The following ITGAM variants were observed in gnomAD, a reference collection of about 807,000 sequenced individuals.
ITGAM encodes the protein integrin subunit alpha M, also known as integrin alpha-M.
Under a neutral mutation model 137.5 loss-of-function variants are expected in ITGAM, and 79 were observed. The ratio of observed to expected loss-of-function variants is 0.57; its 90% CI spans 0.48 to 0.69. The LOEUF (loss-of-function observed/expected upper bound fraction) is 0.69, where lower values mean the gene tolerates loss of function less well. Ranked by LOEUF, ITGAM falls within the 30% of genes least tolerant of loss-of-function variation. ITGAM has a pLI of 0.00. For synonymous variants in ITGAM, 583 were observed against 592.3 expected, an observed-to-expected ratio of 0.98 and a Z score of 0.23; for missense variants, 1,343 against 1,483.5, an observed-to-expected ratio of 0.91 and a Z score of 1.56.
intron 12 of ITGAM, among the ~76,000 whole-genome samples, chr16:31,283,680 C>G (rs908669107): frequency 6.6e-6 from 1 of 152,132 alleles, no homozygotes; most frequent in Non-Finnish European, 1.5e-5. Flanking sequence ...TCCTTTAGCT[C>G]GGAGAAGTTT....
chr16:31,310,692 A>G (rs1211433156), intron 14 of ITGAM, among the ~76,000 whole-genome samples: 1 of 151,588 alleles, frequency 6.6e-6, no homozygotes, highest in African/African-American at 2.4e-5. Flanking sequence ...TCCTCTCTCA[A>G]CTCGTCAAAG....
At chr16:31,307,626 G>T (rs1467075749) in intron 14 of ITGAM, among the ~76,000 whole-genome samples, 1 of 152,046 alleles carries the variant, frequency 6.6e-6, no homozygotes, top group Non-Finnish European at 1.5e-5. Context: ...TTTCCTAATC[G>T]AATGCCCTTT....
chr16:31,266,013 T>C lies in ITGAM; in HGVS notation c.310-17T>C, dbSNP rs1307293542. ...AGGAAGCAGGGGCAGCCCCTTCCAC[T>C]GGCTCCTGTCCCCTAGGCCTGTGGT... On this transcript the variant is annotated splice_polypyrimidine_tract_variant and intron_variant, in intron 4 of 29. Transcript: ENST00000544665. 6.2e-7 allele frequency: 1 copy of C among 1,607,778 alleles called. No individual in the cohort carries two copies. The highest frequency in any genetic ancestry group is 2.2e-5 in the East Asian group (1 of 44,850).
chr16:31,303,446 T>G (rs2144407585), intron 14 of ITGAM, among the ~76,000 whole-genome samples: 1 of 152,324 alleles, frequency 6.6e-6, no homozygotes, highest in Admixed American at 6.5e-5. Flanking sequence ...ACTATAGTCA[T>G]TATATGATTT....
At chr16:31,265,313 C>T (rs1400767617) in intron 2 of ITGAM, 82 bp from the exon 3 acceptor site, 2 of 653,072 alleles carry the variant, frequency 3.1e-6, no homozygotes, top group Non-Finnish European at 5.0e-6. Context: ...CCCCCACCGT[C>T]CTCTGGGTGG....
Position 31,331,269 on chromosome 16 carries a change from G to A in ITGAM, c.3381G>A (p.Leu1127=). 2 of 1,604,156 alleles carry A rather than the reference G, an allele frequency of 1.2e-6. No individual in the cohort carries two copies. Among genetic ancestry groups the A allele is most frequent in the South Asian group, 2.2e-5 (2 of 90,806 alleles). ...LLLLALITAA[L]YKLGFFKRQY... is the part of the protein sequence containing the mutation. ...TCCTGGCCCTCATCACCGCCGCGCT[G>A]TACAAGGTGCTCCCCGCTGCTCCCC... The change falls in exon 29 of 30, where the codon CTG becomes CTA. Residue 1127 remains leucine, a synonymous_variant. Coordinates refer to ENST00000544665, the MANE Select transcript of ITGAM (RefSeq NM_000632.4).
intron 22 of ITGAM, among the ~76,000 whole-genome samples, chr16:31,327,468 C>A (rs2080519966): frequency 1.3e-5 from 2 of 151,296 alleles, no homozygotes; most frequent in South Asian, 4.2e-4. Context: ...GTGGTGCATG[C>A]CTGTAATCCC....
chr16:31,325,542 G>T lies in ITGAM; in HGVS notation c.2548G>T (p.Ala850Ser). ...ATCCTGGCGCCTGGCCTGTGAGTCT[G>T]CCTCCTCCACCGAAGTGTCTGGGGC... ...QRSWRLACES[A>S]SSTEVSGALK... Residue 850 changes from alanine (A) to serine (S), a missense_variant, in exon 21 of 30, where the codon GCC becomes TCC. Coordinates refer to ENST00000544665, the MANE Select transcript of ITGAM (RefSeq NM_000632.4). 6.2e-7 allele frequency: 1 copy of T among 1,613,948 alleles called. No homozygotes were observed. Among genetic ancestry groups the T allele is most frequent in the Non-Finnish European group, 8.5e-7 (1 of 1,179,890 alleles).
rs966131273 is a variant in ITGAM, at chr16:31,328,144, C to T, written c.2709-3C>T. 9 of 1,612,644 alleles carry T rather than the reference C, an allele frequency of 5.6e-6. No homozygotes were observed. In the African/African-American group the frequency reaches 1.2e-4, roughly 22 times the overall value. The stretch of plus-strand genomic sequence containing the variant: ...CCGGCTGGAGCTCTTTCTTTCCCTC[C>T]AGTGAGAACAACATGCCCAGAACCA... On this transcript the variant is annotated splice_polypyrimidine_tract_variant and splice_region_variant and intron_variant, in intron 22 of 29. Coordinates refer to ENST00000544665, the MANE Select transcript of ITGAM (RefSeq NM_000632.4).
chr16:31,274,610 A>ATATTTATTTATT (rs368294196), intron 8 of ITGAM, among the ~76,000 whole-genome samples: 39 of 149,022 alleles, frequency 2.6e-4, no homozygotes, highest in African/African-American at 8.4e-4. Flanking sequence ...TTATTTATTT[A>ATATTTATTTATT]TATTTATTTA....
chr16:31,284,855 T>A (rs1320558218), intron 12 of ITGAM, among the ~76,000 whole-genome samples: 2 of 151,954 alleles, frequency 1.3e-5, no homozygotes, highest in Non-Finnish European at 1.5e-5. Flanking sequence ...TCTTGGAACC[T>A]CCTCTGCCTA....
At chr16:31,327,619 T>TAATAATAAA (rs1469921279) in intron 22 of ITGAM, among the ~76,000 whole-genome samples, 1,765 of 149,448 alleles carry the variant, frequency 0.012, 39 homozygotes, top group African/African-American at 0.042. Context: ...ATAATAATAA[T>TAATAATAAA]AAAAAATAAA....
intron 14 of ITGAM, among the ~76,000 whole-genome samples, chr16:31,299,836 C>T (rs554623272): frequency 7.6e-6 from 1 of 130,956 alleles, no homozygotes; most frequent in Non-Finnish European, 1.6e-5. Context: ...CCCTCCTCGT[C>T]GTCCTCCTCT....
intron 22 of ITGAM, 77 bp downstream of exon 22, chr16:31,327,012 C>T: frequency 9.5e-7 from 1 of 1,053,298 alleles, no homozygotes; most frequent in Non-Finnish European, 1.5e-6. Flanking sequence ...GGGCCTTTGC[C>T]CTTTGCCCAC....
rs1422534239 is a variant in ITGAM, at chr16:31,260,060, C to T, written c.-5C>T. ...CCTCCTTCCAGGTTCTGGCTCCTTC[C>T]AGCCATGGCTCTCAGAGTCCTTCTG... On this transcript the variant is annotated 5_prime_UTR_variant, in exon 1 of 30. Transcript: ENST00000544665. The T allele has an allele frequency of 6.3e-7, 1 of 1,584,520 alleles. No homozygotes were observed. Among genetic ancestry groups the T allele is most frequent in the Admixed American group, 1.8e-5 (1 of 55,488 alleles).
chr16:31,284,381 C>T (rs1398443155), intron 12 of ITGAM, among the ~76,000 whole-genome samples: 1 of 152,172 alleles, frequency 6.6e-6, no homozygotes, highest in Non-Finnish European at 1.5e-5. Context: ...CCACCCAGTT[C>T]GAACTTCCTG....
intron 14 of ITGAM, among the ~76,000 whole-genome samples, chr16:31,311,864 A>G (rs564084210): frequency 4.6e-5 from 7 of 152,264 alleles, no homozygotes; most frequent in Non-Finnish European, 1.0e-4. Context: ...TATTCACAAT[A>G]GCAAAGACTT....
intron 5 of ITGAM, among the ~76,000 whole-genome samples, chr16:31,267,672 A>G (rs1384386621): frequency 6.7e-6 from 1 of 149,170 alleles, no homozygotes; most frequent in Non-Finnish European, 1.5e-5. Context: ...TTTTTTTTGG[A>G]GACAGGGTCT....
At position 31,325,532 on chromosome 16, in the gene ITGAM, C is replaced by G. The variant is rs1345783612; in HGVS notation, c.2538C>G (p.Ala846=). ...GCTCACAGCGATCCTGGCGCCTGGCCTGTGAGTCTGCCTCCTCCACCGAAG... is the reference window on the plus strand; with the variant it reads ...GCTCACAGCGATCCTGGCGCCTGGCGTGTGAGTCTGCCTCCTCCACCGAAG... ...NQRSQRSWRL[A]CESASSTEVS... The change falls in exon 21 of 30, where the codon GCC becomes GCG. Residue 846 remains alanine (A), a synonymous_variant. Coordinates refer to ENST00000544665, the MANE Select transcript of ITGAM (RefSeq NM_000632.4). The G allele has an allele frequency of 1.2e-6, 2 of 1,613,848 alleles. No homozygotes were observed. Among genetic ancestry groups the G allele is most frequent in the East Asian group, 4.5e-5 (2 of 44,888 alleles).
Sources: allele counts gnomAD v4.1 joint callset (sites outside exome capture counted in the v4.1 genomes callset), GRCh38; gene constraint gnomAD v4.1.1; transcripts MANE v1.5; gene names NCBI Gene and HGNC (gene_info 2026-07-23, HGNC 2026-07-21).